Variants in PIK3R6 observed in about 807,000 individuals in gnomAD.
PIK3R6 encodes the protein phosphoinositide-3-kinase regulatory subunit 6, also known as phosphoinositide 3-kinase regulatory subunit 6.
PIK3R6 carries 91 observed loss-of-function variants against 84.9 expected under a neutral mutation model. The ratio of observed to expected loss-of-function variants is 1.07; its 90% CI spans 0.90 to 1.28. The LOEUF (loss-of-function observed/expected upper bound fraction) is 1.28, where lower values mean the gene tolerates loss of function less well. PIK3R6 is among the 50% of genes most tolerant of loss of function. The probability of loss-of-function intolerance (pLI) is 0.00; values close to 1 mark genes in which losing one functional copy is unlikely to be tolerated. For missense variants in PIK3R6, 996 were observed against 985.1 expected (o/e 1.01, Z -0.15); for synonymous variants, 416 against 411.4 (o/e 1.01, Z -0.13).
At chr17:8,829,055 G>T in intron 10 of PIK3R6, 65 bp from the exon 11 acceptor site, 2 of 1,413,354 alleles carry the variant, frequency 1.4e-6, no homozygotes, top group Non-Finnish European at 1.9e-6. Flanking sequence ...TCTGATTTCA[G>T]CCAGTCCTCT....
chr17:8,835,020 T>C (rs1462142888), intron 8 of PIK3R6, among the ~76,000 whole-genome samples: 2 of 152,154 alleles, frequency 1.3e-5, no homozygotes, highest in Non-Finnish European at 2.9e-5. Flanking sequence ...GTATCTTTAG[T>C]AGAGACTGGA....
intron 12 of PIK3R6, 51 bp downstream of exon 12, chr17:8,828,061 C>G: frequency 2.6e-6 from 4 of 1,568,018 alleles, no homozygotes; most frequent in Non-Finnish European, 3.5e-6. Flanking sequence ...TGTGTCCCTG[C>G]CCAGCCTGCC....
At chr17:8,861,959 A>C (rs1450149672) in intron 1 of PIK3R6, among the ~76,000 whole-genome samples, 1 of 152,210 alleles carries the variant, frequency 6.6e-6, no homozygotes, top group East Asian at 1.9e-4. Context: ...AGGAAAAACA[A>C]ATTTTTGCTA....
At chr17:8,867,358 A>G (rs2089435479) in intron 1 of PIK3R6, among the ~76,000 whole-genome samples, 171 bp downstream of exon 1, 1 of 152,172 alleles carries the variant, frequency 6.6e-6, no homozygotes, top group Non-Finnish European at 1.5e-5. Context: ...GCAGTGTCTG[A>G]GGTCACCCTT....
intron 2 of PIK3R6, among the ~76,000 whole-genome samples, chr17:8,848,579 T>C (rs987271845): frequency 2.0e-5 from 3 of 151,502 alleles, no homozygotes; most frequent in Non-Finnish European, 2.9e-5. Flanking sequence ...TATCTAAACA[T>C]AGAAAAGGTA....
intron 1 of PIK3R6, among the ~76,000 whole-genome samples, chr17:8,861,095 T>A (rs1413877978): frequency 6.6e-6 from 1 of 150,994 alleles, no homozygotes; most frequent in Non-Finnish European, 1.5e-5. Flanking sequence ...GGCAGGAGAA[T>A]TGCTTGAATC....
rs16957643 is a variant in PIK3R6, at chr17:8,829,925, C to T, written c.803-133G>A. 5,239 of 650,814 alleles carry T rather than the reference C, an allele frequency of 8.0e-3. 49 individuals carry two copies. The highest frequency in any genetic ancestry group is 0.029 in the Middle Eastern group (70 of 2,414). 40.3% of individuals were successfully genotyped at this position (650,814 alleles called of 1,614,324 possible). On this transcript the variant is annotated intron_variant, in intron 9 of 19. Coordinates refer to ENST00000619866, the MANE Select transcript of PIK3R6 (RefSeq NM_001010855.4). Reference sequence around the variant, plus strand: ...ACTCTCTCCTTCACATCTGGTCTGCCTTTCCATCTCTGCCACCACCAGCCC... The same window carrying T: ...ACTCTCTCCTTCACATCTGGTCTGCTTTTCCATCTCTGCCACCACCAGCCC...
At chr17:8,807,461 T>A (rs2087238037) in intron 18 of PIK3R6, among the ~76,000 whole-genome samples, 1 of 151,740 alleles carries the variant, frequency 6.6e-6, no homozygotes, top group African/African-American at 2.4e-5. Flanking sequence ...AGCACAGAGG[T>A]GGTACACTTA....
At chr17:8,823,614 C>T (rs988476931) in intron 13 of PIK3R6, 117 bp from the exon 14 acceptor site, 46 of 677,024 alleles carry the variant, frequency 6.8e-5, no homozygotes, top group East Asian at 4.4e-4. Context: ...TAACCCAGTG[C>T]GTCCTTCAAC....
At chr17:8,838,060 T>G (rs8064777) in intron 4 of PIK3R6, among the ~76,000 whole-genome samples, 189 bp from the exon 5 acceptor site, 46,716 of 151,586 alleles carry the variant, frequency 0.31, 7,601 homozygotes, top group East Asian at 0.45. Flanking sequence ...AGCCCCTCAG[T>G]GAGGGTGTGG....
In PIK3R6 at chr17:8,842,627, C is replaced by T. The variant is rs563545610; in HGVS notation, c.14-2930G>A. 2.6e-5 allele frequency among the ~76,000 whole-genome samples: 4 copies of T among 152,260 alleles called. No homozygotes were observed. In the East Asian group the frequency reaches 7.7e-4, roughly 29 times the overall value. On this transcript the variant is annotated intron_variant, in intron 2 of 19. Coordinates refer to ENST00000619866, the MANE Select transcript of PIK3R6 (RefSeq NM_001010855.4). The surrounding 1 kb of genome is among the most constrained non-coding windows in gnomAD (Gnocchi z 4.5). ...AATTCCTCTTTGCAATTAGCTCCCA[C>T]CAAGAGTTTGCCATTATAGGTGAGT...
intron 2 of PIK3R6, among the ~76,000 whole-genome samples, chr17:8,840,745 TTA>T (rs1415420689): frequency 1.5e-5 from 2 of 131,588 alleles, no homozygotes; most frequent in East Asian, 2.0e-4. Context: ...ATTATTATTA[TTA>T]TTTTTGTGTG....
chr17:8,823,288 G>T, intron 14 of PIK3R6, 99 bp downstream of exon 14: 1 of 941,166 alleles, frequency 1.1e-6, no homozygotes. Context: ...GTCTGGGTGT[G>T]TTCATGATTG....
intron 13 of PIK3R6, among the ~76,000 whole-genome samples, chr17:8,826,848 CAAG>C (rs757642529): frequency 6.6e-6 from 1 of 152,064 alleles, no homozygotes; most frequent in Non-Finnish European, 1.5e-5. Context: ...GAAGCTCACA[CAAG>C]AAGGAGTATA....
At chr17:8,837,982 G>A in intron 4 of PIK3R6, 111 bp from the exon 5 acceptor site, 3 of 893,278 alleles carry the variant, frequency 3.4e-6, no homozygotes, top group Non-Finnish European at 5.5e-6. Flanking sequence ...AGGCAGCCAG[G>A]GGGAGAGCAA....
At position 8,823,017 on chromosome 17, in the gene PIK3R6, G is replaced by A. The variant is rs148287366; in HGVS notation, c.1696C>T (p.Gln566Ter). ...TTACCTTTGGGGAATTTAGAATCTTGGATCTTCACCTTCAGTTCAATGAGG... is the reference window on the plus strand; with the variant it reads ...TTACCTTTGGGGAATTTAGAATCTTAGATCTTCACCTTCAGTTCAATGAGG... ...IFLIELKVKI[Q>*]DSKFPKDGFS... The change falls in exon 15 of 20, where the codon CAA becomes TAA. Residue 566 changes from glutamine to a stop codon, truncating the protein, a stop_gained. Transcript: ENST00000619866. LOFTEE classifies it high-confidence loss of function. 7.4e-5 allele frequency: 119 copies of A among 1,609,074 alleles called. 2 individuals are homozygous for A. In the East Asian group the frequency reaches 2.6e-3, roughly 36 times the overall value.
In PIK3R6 at chr17:8,843,146, T is replaced by G. The variant is rs528455792; in HGVS notation, c.14-3449A>C. On this transcript the variant is annotated intron_variant, in intron 2 of 19. Coordinates refer to ENST00000619866, the MANE Select transcript of PIK3R6 (RefSeq NM_001010855.4). ...TCCCCAGACTGTTGAGGAAATCATT[T>G]AGCTCAGCATGAAGGTTGGTCACAG... Among the ~76,000 whole-genome samples, 3 of 152,330 alleles carry G rather than the reference T, an allele frequency of 2.0e-5. No individual in the cohort carries two copies. In the South Asian group the frequency reaches 6.2e-4, roughly 32 times the overall value.
chr17:8,823,832 C>T lies in PIK3R6; in HGVS notation c.1516-335G>A, dbSNP rs1464971390. Reference sequence around the variant, plus strand: ...GAGACCCAGGAGTGGGTTCTAGGCTCGGATGGGCTACTTGCCATTGGCCAA... The same window carrying T: ...GAGACCCAGGAGTGGGTTCTAGGCTTGGATGGGCTACTTGCCATTGGCCAA... On this transcript the variant is annotated intron_variant, in intron 13 of 19. Coordinates refer to ENST00000619866, the MANE Select transcript of PIK3R6 (RefSeq NM_001010855.4). 5.9e-5 allele frequency among the ~76,000 whole-genome samples: 9 copies of T among 152,138 alleles called. No individual in the cohort carries two copies. In the East Asian group the frequency reaches 7.7e-4, roughly 13 times the overall value.
Position 8,803,551 on chromosome 17 carries a change from G to A in PIK3R6, c.2109-122C>T, listed in dbSNP as rs77511930. On this transcript the variant is annotated intron_variant, in intron 19 of 19. Transcript: ENST00000619866. The surrounding 1 kb of genome is among the most constrained non-coding windows in gnomAD (Gnocchi z 5.0). Reference sequence around the variant, plus strand: ...TGTTATTGTAGGGCATAGAGGAGGCGGCTACACAGAAGAAAGAGGAAGAGT... The same window carrying A: ...TGTTATTGTAGGGCATAGAGGAGGCAGCTACACAGAAGAAAGAGGAAGAGT... 0.018 allele frequency: 17,536 copies of A among 997,576 alleles called. 218 individuals are homozygous for A. Among genetic ancestry groups the A allele is most frequent in the Non-Finnish European group, 0.021 (15,035 of 700,356 alleles). 61.8% of individuals were successfully genotyped at this position (997,576 alleles called of 1,614,324 possible).
Sources: allele counts gnomAD v4.1 joint callset (sites outside exome capture counted in the v4.1 genomes callset), GRCh38; gene constraint gnomAD v4.1.1; non-coding constraint Gnocchi (gnomAD v3.1); transcripts MANE v1.5; gene names NCBI Gene and HGNC (gene_info 2026-07-23, HGNC 2026-07-21).